The following MPPED2 variants were observed in gnomAD, a reference collection of about 807,000 sequenced individuals.
The protein encoded by MPPED2 is metallophosphoesterase MPPED2.
MPPED2 carries 5 observed loss-of-function variants against 33.0 expected under a neutral mutation model. That is an observed-to-expected ratio of 0.15 (90% CI 0.08 to 0.32). The LOEUF (loss-of-function observed/expected upper bound fraction) is 0.32. Among genes scored for constraint, MPPED2 ranks in the 10% least tolerant of loss-of-function variants. The probability of loss-of-function intolerance (pLI) is 1.00; values close to 1 mark genes in which losing one functional copy is unlikely to be tolerated. For missense variants in MPPED2, 275 were observed against 372.1 expected (o/e 0.74, Z 2.15); for synonymous variants, 136 against 141.9 (o/e 0.96, Z 0.29).
chr11:30,539,605 G>A (rs927491089), intron 2 of MPPED2, among the ~76,000 whole-genome samples: 1 of 151,974 alleles, frequency 6.6e-6, no homozygotes, highest in Non-Finnish European at 1.5e-5. Flanking sequence ...TGTTTGGTTT[G>A]TTGGTTGTTT....
At chr11:30,419,569 T>C (rs1948520386) in intron 4 of MPPED2, among the ~76,000 whole-genome samples, 1 of 152,172 alleles carries the variant, frequency 6.6e-6, no homozygotes, top group Admixed American at 6.5e-5. Context: ...CTGAGTTTCT[T>C]TTGGAGAACC....
chr11:30,571,497 A>G (rs1956690153), intron 2 of MPPED2, among the ~76,000 whole-genome samples: 1 of 152,164 alleles, frequency 6.6e-6, no homozygotes, highest in African/African-American at 2.4e-5. Context: ...AAAAAAAGAA[A>G]AAAAAAGAAG....
downstream of MPPED2, among the ~76,000 whole-genome samples, chr11:30,409,558 C>T (rs1948040296): frequency 1.3e-5 from 2 of 152,212 alleles, no homozygotes; most frequent in Admixed American, 1.3e-4. Context: ...TCTGTCAATT[C>T]TGCTGGTACT....
chr11:30,457,925 C>T (rs866043571), intron 4 of MPPED2, among the ~76,000 whole-genome samples: 2 of 152,118 alleles, frequency 1.3e-5, no homozygotes, highest in Middle Eastern at 3.2e-3. Context: ...TCCTAATGTC[C>T]AAATGTTGAG....
chr11:30,423,692 C>T (rs1484693209), intron 4 of MPPED2, among the ~76,000 whole-genome samples: 1 of 152,124 alleles, frequency 6.6e-6, no homozygotes, highest in Non-Finnish European at 1.5e-5. Flanking sequence ...AGAATGTTTG[C>T]CTATGTGGAT....
intron 6 of MPPED2, among the ~76,000 whole-genome samples, chr11:30,392,547 T>G (rs1310315147): frequency 6.6e-6 from 1 of 152,194 alleles, no homozygotes; most frequent in Non-Finnish European, 1.5e-5. Flanking sequence ...CGGAATTGCT[T>G]CTTGATTAAT....
At chr11:30,475,999 T>C (rs1306731344) in intron 4 of MPPED2, among the ~76,000 whole-genome samples, 1 of 152,134 alleles carries the variant, frequency 6.6e-6, no homozygotes. Context: ...TGACTAATGT[T>C]TTTTAACATC....
chr11:30,561,911 A>G (rs1328680912), intron 2 of MPPED2, among the ~76,000 whole-genome samples: 1 of 152,166 alleles, frequency 6.6e-6, no homozygotes, highest in African/African-American at 2.4e-5. Flanking sequence ...ATTTACAAAC[A>G]GTAACCTCTG....
At chr11:30,453,031 A>C (rs539498049) in intron 4 of MPPED2, among the ~76,000 whole-genome samples, 1 of 152,302 alleles carries the variant, frequency 6.6e-6, no homozygotes, top group African/African-American at 2.4e-5. Flanking sequence ...AAGGATGCAA[A>C]ATGAGTTATG....
At chr11:30,446,709 T>A (rs1317489191) in intron 4 of MPPED2, among the ~76,000 whole-genome samples, 2 of 152,138 alleles carry the variant, frequency 1.3e-5, no homozygotes, top group Non-Finnish European at 2.9e-5. Flanking sequence ...ACTAAAGAAG[T>A]GCATAACAGC....
chr11:30,385,370 G>A (rs1947690670), exon 7 of MPPED2: 1 of 152,122 alleles, frequency 6.6e-6, no homozygotes, highest in Admixed American at 6.5e-5. Context: ...TTGCTTTCTA[G>A]GGGCTGGGTC....
At chr11:30,396,138 T>A (rs553238919) in intron 6 of MPPED2, among the ~76,000 whole-genome samples, 46 of 152,274 alleles carry the variant, frequency 3.0e-4, no homozygotes, top group African/African-American at 9.6e-4. Flanking sequence ...ATGAGAATCC[T>A]TGGGGACTAA....
intron 4 of MPPED2, among the ~76,000 whole-genome samples, chr11:30,478,171 C>T (rs1951310110): frequency 6.6e-6 from 1 of 152,066 alleles, no homozygotes; most frequent in African/African-American, 2.4e-5. Flanking sequence ...CTACTTGCTT[C>T]TGTGCACCTC....
chr11:30,548,112 A>T (rs971660028), intron 2 of MPPED2, among the ~76,000 whole-genome samples: 1 of 152,222 alleles, frequency 6.6e-6, no homozygotes, highest in Non-Finnish European at 1.5e-5. Flanking sequence ...ACTCTGGACA[A>T]GTTTACTAAA....
chr11:30,510,609 T>A (rs1953115494), intron 3 of MPPED2, among the ~76,000 whole-genome samples: 1 of 152,212 alleles, frequency 6.6e-6, no homozygotes, highest in Non-Finnish European at 1.5e-5. Context: ...CCAGCTTTTG[T>A]TTTTCACTAA....
At chr11:30,531,797 C>T (rs775414754) in intron 3 of MPPED2, among the ~76,000 whole-genome samples, 2 of 152,216 alleles carry the variant, frequency 1.3e-5, no homozygotes, top group African/African-American at 2.4e-5. Context: ...AGAGGCTGTG[C>T]CACAAAACAG....
At chr11:30,476,028 C>T (rs1235023388) in intron 4 of MPPED2, among the ~76,000 whole-genome samples, 1 of 151,958 alleles carries the variant, frequency 6.6e-6, no homozygotes, top group African/African-American at 2.4e-5. Context: ...TACTTGTTGG[C>T]CATTTGGATA....
At chr11:30,532,874 GATC>G (rs1443661684) in intron 3 of MPPED2, among the ~76,000 whole-genome samples, 1 of 152,164 alleles carries the variant, frequency 6.6e-6, no homozygotes, top group African/African-American at 2.4e-5. Context: ...ATTAACCAGG[GATC>G]ATCATCTCTG....
chr11:30,414,141 A>G (rs1948237213), intron 6 of MPPED2, 87 bp downstream of exon 6: 2 of 911,964 alleles, frequency 2.2e-6, no homozygotes, highest in South Asian at 2.8e-5. Flanking sequence ...AAAAGTTTGA[A>G]AACAACTACT....
Sources: allele counts gnomAD v4.1 joint callset (sites outside exome capture counted in the v4.1 genomes callset), GRCh38; gene constraint gnomAD v4.1.1; transcripts MANE v1.5; gene names NCBI Gene and HGNC (gene_info 2026-07-23, HGNC 2026-07-21).